GRIK4: variants seen among roughly 807,000 people sequenced by gnomAD.
The protein encoded by GRIK4 is glutamate receptor ionotropic, kainate 4.
In GRIK4, 40 loss-of-function variants were observed where a neutral mutation model predicts 104.9. That is an observed-to-expected ratio of 0.38 (90% CI 0.30 to 0.50). The LOEUF (loss-of-function observed/expected upper bound fraction) is 0.50, where lower values mean the gene tolerates loss of function less well. Ranked by LOEUF, GRIK4 falls within the 20% of genes least tolerant of loss-of-function variation. The pLI, the probability that GRIK4 is intolerant of heterozygous loss-of-function variation, is 0.93. For synonymous variants in GRIK4, 485 were observed against 524.9 expected, an observed-to-expected ratio of 0.92 and a Z score of 1.04; for missense variants, 1,047 against 1,308.1, an observed-to-expected ratio of 0.80 and a Z score of 3.08.
intron 1 of GRIK4, among the ~76,000 whole-genome samples, chr11:120,639,125 C>T (rs773949627): frequency 4.3e-4 from 66 of 152,072 alleles, no homozygotes; most frequent in Non-Finnish European, 6.9e-4. Context: ...AACCATGAAG[C>T]GGAGGTTGCA....
At position 120,875,273 on chromosome 11, in the gene GRIK4, G is replaced by C. The variant is rs544475569; in HGVS notation, c.1164+30G>C. The stretch of plus-strand genomic sequence containing the variant: ...GCCTAGCTGCACCGTGGTGATGGCA[G>C]GTCCTCCTCTCTGTTCCATTTCATT... On this transcript the variant is annotated intron_variant, in intron 11 of 20. Coordinates refer to ENST00000527524, the MANE Select transcript of GRIK4 (RefSeq NM_014619.5). The C allele has an allele frequency of 1.6e-4, 216 of 1,324,970 alleles. No individual in the cohort carries two copies. The South Asian group carries it at 2.3e-3, about 14-fold the overall frequency. The allele number at this position is 1,324,970 out of a possible 1,614,324, so 82.1% of individuals were successfully genotyped here. A position where few individuals can be genotyped will look rare whatever the true frequency, so the allele number is the denominator to read the frequency against.
intron 3 of GRIK4, among the ~76,000 whole-genome samples, chr11:120,676,212 C>G (rs143071385): frequency 1.5e-3 from 230 of 152,276 alleles, no homozygotes; most frequent in African/African-American, 5.0e-3. Context: ...TCTCGCCTCA[C>G]AAGCTCACTG....
Position 120,827,293 on chromosome 11 carries a change from C to G in GRIK4, c.512-4559C>G, listed in dbSNP as rs138995098. ...ACCTCGACATCCTCCTCCCACCCCT[C>G]TTGGCCCCTGCCTTCCAGTTCCAGA... On this transcript the variant is annotated intron_variant, in intron 6 of 20. Transcript: ENST00000527524. 2.6e-5 allele frequency among the ~76,000 whole-genome samples: 4 copies of G among 152,360 alleles called. No individual in the cohort carries two copies. In the East Asian group the frequency reaches 7.7e-4, roughly 29 times the overall value.
At chr11:120,914,578 G>A (rs1440444126) in intron 13 of GRIK4, among the ~76,000 whole-genome samples, 3 of 152,170 alleles carry the variant, frequency 2.0e-5, no homozygotes, top group Non-Finnish European at 4.4e-5. Context: ...TATTCTAGGT[G>A]AGGTGGACGG....
In GRIK4 at chr11:120,844,641, C is replaced by G. The variant is rs762416951; in HGVS notation, c.744+7797C>G. Among the ~76,000 whole-genome samples, 192 of 152,194 alleles carry G rather than the reference C, an allele frequency of 1.3e-3. 2 individuals are homozygous for G. The highest frequency in any genetic ancestry group is 3.2e-3 in the Middle Eastern group (1 of 316). On this transcript the variant is annotated intron_variant, in intron 8 of 20. Transcript: ENST00000527524. ...GACACAAAGGAACCTATCTGCGTTT[C>G]AGCTGGGGAGAGCTGGGCCCTATTC...
chr11:120,543,614 TAGAAC>T (rs1948058428), intron 1 of GRIK4, among the ~76,000 whole-genome samples: 2 of 152,040 alleles, frequency 1.3e-5, no homozygotes, highest in Non-Finnish European at 2.9e-5. Flanking sequence ...AAATTAAAAA[TAGAAC>T]TACCATACAA....
At chr11:120,857,322 C>T (rs1954130248) in intron 8 of GRIK4, among the ~76,000 whole-genome samples, 1 of 152,160 alleles carries the variant, frequency 6.6e-6, no homozygotes, top group Non-Finnish European at 1.5e-5. Context: ...ACGTCTGCTG[C>T]AGAAAGTGAG....
At chr11:120,821,709 CAG>C (rs1953130449) in intron 6 of GRIK4, among the ~76,000 whole-genome samples, 1 of 152,220 alleles carries the variant, frequency 6.6e-6, no homozygotes, top group African/African-American at 2.4e-5. Context: ...GTTCAACAGG[CAG>C]ACCCTGAGTG....
chr11:120,758,307 G>C (rs1310831592), intron 3 of GRIK4, among the ~76,000 whole-genome samples: 2 of 152,186 alleles, frequency 1.3e-5, no homozygotes, highest in Non-Finnish European at 2.9e-5. Flanking sequence ...ACCTCAGAGG[G>C]CTTCTTCATG....
chr11:120,887,928 C>T (rs1233438907), intron 11 of GRIK4, among the ~76,000 whole-genome samples: 2 of 152,044 alleles, frequency 1.3e-5, no homozygotes, highest in Non-Finnish European at 2.9e-5. Context: ...ACTGGGAAAC[C>T]CCAGGTGAAG....
At position 120,986,682 on chromosome 11, in the gene GRIK4, AC is replaced by A; in HGVS notation, c.*423del. On this transcript the variant is annotated 3_prime_UTR_variant, in exon 21 of 21. Coordinates refer to ENST00000527524, the MANE Select transcript of GRIK4 (RefSeq NM_014619.5). ...TTCTTACAGAAAAAAAAAAAATTAA[AC>A]AGGGAAGTTTTTCTTTTCTGGATTT... 1 of 156,874 alleles carries A rather than the reference AC, an allele frequency of 6.4e-6. No homozygotes were observed. Among genetic ancestry groups the A allele is most frequent in the African/African-American group, 2.4e-5 (1 of 41,690 alleles). 9.7% of individuals were successfully genotyped at this position (156,874 alleles called of 1,614,324 possible). A position where few individuals can be genotyped will look rare whatever the true frequency, so the allele number is the denominator to read the frequency against.
intron 3 of GRIK4, 71 bp downstream of exon 3, chr11:120,660,471 C>A: frequency 8.4e-7 from 1 of 1,185,538 alleles, no homozygotes; most frequent in Non-Finnish European, 1.2e-6. Flanking sequence ...CATGAGAGTG[C>A]TGCACAGGAC....
chr11:120,512,914 G>A (rs755068164), intron 1 of GRIK4, among the ~76,000 whole-genome samples: 32 of 152,206 alleles, frequency 2.1e-4, no homozygotes, highest in Non-Finnish European at 2.6e-4. Flanking sequence ...CCTCTGGCCC[G>A]TCTGCCTGGC....
intron 3 of GRIK4, among the ~76,000 whole-genome samples, chr11:120,753,526 A>G (rs943426851): frequency 1.3e-5 from 2 of 152,118 alleles, no homozygotes; most frequent in African/African-American, 4.8e-5. Flanking sequence ...AGTCCTATGT[A>G]GATTTTAGGA....
chr11:120,668,439 A>G (rs1949961107), intron 3 of GRIK4, among the ~76,000 whole-genome samples: 1 of 152,208 alleles, frequency 6.6e-6, no homozygotes, highest in South Asian at 2.1e-4. Flanking sequence ...ATGAAAAGAA[A>G]GAGGCTTACC....
intron 3 of GRIK4, among the ~76,000 whole-genome samples, chr11:120,801,371 G>A (rs573046181): frequency 2.8e-4 from 42 of 152,218 alleles, no homozygotes; most frequent in Non-Finnish European, 5.6e-4. Flanking sequence ...GATTACAGAC[G>A]TCATGCCACC....
At chr11:120,560,354 C>G (rs943482678) in intron 1 of GRIK4, among the ~76,000 whole-genome samples, 48 of 152,054 alleles carry the variant, frequency 3.2e-4, no homozygotes, top group African/African-American at 1.1e-3. Context: ...GCCTGGCCTC[C>G]AAGCAGATTT....
intron 1 of GRIK4, among the ~76,000 whole-genome samples, chr11:120,577,461 C>CG (rs1461132301): frequency 6.6e-6 from 1 of 151,946 alleles, no homozygotes; most frequent in Non-Finnish European, 1.5e-5. Flanking sequence ...GACACCATCT[C>CG]GGGGGGTTCG....
chr11:120,537,102 C>T (rs1947985519), intron 1 of GRIK4, among the ~76,000 whole-genome samples: 1 of 152,172 alleles, frequency 6.6e-6, no homozygotes, highest in South Asian at 2.1e-4. Context: ...GACCTGTTTC[C>T]TGGGAGGTGT....
Sources: gnomAD v4.1 joint callset for allele counts (sites outside exome capture counted in the v4.1 genomes callset) on GRCh38, gnomAD v4.1.1 for gene constraint, MANE v1.5 for transcripts, NCBI Gene and HGNC (gene_info 2026-07-23, HGNC 2026-07-21) for gene names.